The following FGF13 variants were observed in gnomAD, a reference collection of about 807,000 sequenced individuals.
FGF13 encodes the protein fibroblast growth factor 13, also known as fibroblast growth factor homologous factor 2.
Under a neutral mutation model 19.5 loss-of-function variants are expected in FGF13, and 2 were observed. The observed-to-expected ratio is 0.10, with a 90% confidence interval of 0.04 to 0.32. The LOEUF is 0.32. FGF13 is among the 10% of genes least tolerant of loss of function. The pLI, the probability that FGF13 is intolerant of heterozygous loss-of-function variation, is 1.00. For missense variants in FGF13, 113 were observed against 192.7 expected (o/e 0.59, Z 2.45); for synonymous variants, 72 against 76.9 (o/e 0.94, Z 0.33).
chrX:138,622,063 A>T lies in FGF13; in HGVS notation c.*10787T>A, dbSNP rs1421762065. 1 of 110,999 alleles carries T rather than the reference A, an allele frequency of 9.0e-6. No homozygotes were observed. The highest frequency in any genetic ancestry group is 1.9e-5 in the Non-Finnish European group (1 of 52,901). The allele number at this position is 110,999 out of a possible 1,213,427, so 9.1% of individuals were successfully genotyped here. ...CAATCCTTCTCAAATCTTCCAAAAA[A>T]AAAAGAAGAGTGAGGAACACTTCTA... On this transcript the variant is annotated 3_prime_UTR_variant, in exon 5 of 5. Transcript: ENST00000315930.
intron 3 of FGF13, among the ~76,000 whole-genome samples, chrX:138,793,958 C>T (rs1179508042): frequency 9.0e-6 from 1 of 111,635 alleles, no homozygotes; most frequent in Non-Finnish European, 1.9e-5. Flanking sequence ...GTAATGAGAC[C>T]TCAGGCTGCA....
At chrX:138,982,826 C>T (rs1035686947) in intron 1 of FGF13, among the ~76,000 whole-genome samples, 1 of 112,114 alleles carries the variant, frequency 8.9e-6, no homozygotes, top group African/African-American at 3.2e-5. Flanking sequence ...TTCTCCATCT[C>T]TAAAATGGGA....
At chrX:138,999,776 A>G (rs1314677995) in intron 1 of FGF13, among the ~76,000 whole-genome samples, 1 of 112,228 alleles carries the variant, frequency 8.9e-6, no homozygotes, top group Non-Finnish European at 1.9e-5. Flanking sequence ...AGCTGGTACC[A>G]TTCCTTCTGA....
intron 3 of FGF13, among the ~76,000 whole-genome samples, chrX:138,643,775 C>A (rs760204534): frequency 1.8e-5 from 2 of 111,655 alleles, no homozygotes; most frequent in South Asian, 7.5e-4. Context: ...CCCCTATTAA[C>A]CTGCTTATTA....
chrX:138,768,726 T>TATATGATATATATATATATA (rs1226957604), intron 3 of FGF13, among the ~76,000 whole-genome samples: 3 of 97,890 alleles, frequency 3.1e-5, no homozygotes, highest in African/African-American at 1.2e-4. Flanking sequence ...TAAGTATATA[T>TATATGATATATATATATATA]TATATATATA....
rs180943851 is a variant in FGF13 at position 138,739,266 on chromosome X, C to T, written c.4G>A (p.Ala2Thr). Residue 2 changes from alanine to threonine, a missense_variant, in exon 1 of 5, where the codon GCT (alanine) becomes ACT (threonine). Ala to Thr is a moderately conservative substitution (Grantham distance 58). Coordinates refer to the FGF13 transcript ENST00000305414. The stretch of plus-strand genomic sequence containing the variant: ...CCTGAATACGACTTCCTTAACAAAG[C>T]CATGCTTCTTTATAAGCTGGTCCTA... 3.4e-6 allele frequency: 4 copies of T among 1,174,924 alleles called. No homozygotes were observed. In the East Asian group the frequency reaches 1.2e-4, roughly 35 times the overall value.
At chrX:138,768,755 A>ATATATATATATATAT (rs1569388532) in intron 3 of FGF13, among the ~76,000 whole-genome samples, 1 of 102,676 alleles carries the variant, frequency 9.7e-6, no homozygotes, top group African/African-American at 3.6e-5. Flanking sequence ...ATATATATAT[A>ATATATATATATATAT]ATTTCACAAG....
chrX:138,827,579 A>G (rs1385866386), intron 3 of FGF13, among the ~76,000 whole-genome samples: 1 of 111,406 alleles, frequency 9.0e-6, no homozygotes, highest in Admixed American at 9.6e-5. Context: ...AATAGCTAGA[A>G]TTTATTAAGT....
rs771774064 is a variant in FGF13, at chrX:138,623,013, A to G, written c.*9837T>C. Reference sequence around the variant, plus strand: ...CACCTCCTTTGCTAAATTTATTTCTAAGTATTTTTTTGCAATTGCAAATGG... The same window carrying G: ...CACCTCCTTTGCTAAATTTATTTCTGAGTATTTTTTTGCAATTGCAAATGG... On this transcript the variant is annotated 3_prime_UTR_variant, in exon 5 of 5. Transcript: ENST00000315930. 5.5e-4 allele frequency: 62 copies of G among 111,917 alleles called. No individual in the cohort carries two copies. The highest frequency in any genetic ancestry group is 1.1e-3 in the Non-Finnish European group (57 of 53,163). The allele number at this position is 111,917 out of a possible 1,213,427, so 9.2% of individuals were successfully genotyped here.
chrX:139,074,936 T>C (rs746979965), intron 1 of FGF13, among the ~76,000 whole-genome samples: 18 of 109,078 alleles, frequency 1.7e-4, no homozygotes, highest in Non-Finnish European at 3.3e-4. Flanking sequence ...ATTCCTTGTT[T>C]ATACCTCAAC....
rs143069030 is a variant in FGF13 at position 139,129,943 on chromosome X, T to G, written c.-113+73473A>C. Among the ~76,000 whole-genome samples, 15 of 112,152 alleles carry G rather than the reference T, an allele frequency of 1.3e-4. No individual in the cohort carries two copies. The East Asian group carries it at 4.2e-3, about 32-fold the overall frequency. On this transcript the variant is annotated intron_variant, in intron 1 of 2. Coordinates refer to the FGF13 transcript ENST00000421460. ...CGTCTCAAGCCCATTTTCAAAGTCC[T>G]TCAATAAGGATTCCTTTCTGCTTTC...
chrX:138,748,223 C>T (rs1569382556), intron 3 of FGF13, among the ~76,000 whole-genome samples: 1 of 111,631 alleles, frequency 9.0e-6, no homozygotes. Context: ...GGGATGCATA[C>T]CTGTTATGAA....
intron 3 of FGF13, among the ~76,000 whole-genome samples, chrX:138,805,958 T>A (rs1041968407): frequency 1.8e-5 from 2 of 111,764 alleles, no homozygotes; most frequent in African/African-American, 6.5e-5. Context: ...CCCTTGCATC[T>A]AGTTCGTCTT....
intron 3 of FGF13, among the ~76,000 whole-genome samples, chrX:138,747,009 C>G (rs1243191518): frequency 4.5e-5 from 5 of 111,553 alleles, no homozygotes; most frequent in Non-Finnish European, 9.4e-5. Context: ...AGGGCAGACT[C>G]TAAGCTCCCT....
At chrX:138,840,345 A>G (rs1271912370) in intron 3 of FGF13, among the ~76,000 whole-genome samples, 2 of 111,714 alleles carry the variant, frequency 1.8e-5, no homozygotes, top group Non-Finnish European at 3.8e-5. Flanking sequence ...ATAAACAAAC[A>G]TCCCGCCATG....
Position 138,616,932 on chromosome X carries a change from G to A in FGF13, c.*15918C>T, listed in dbSNP as rs955614791. On this transcript the variant is annotated 3_prime_UTR_variant, in exon 5 of 5. Coordinates refer to ENST00000315930, the MANE Select transcript of FGF13 (RefSeq NM_004114.5). ...AAGCTGAAGCAGCTGGGGACGCAGG[G>A]TACCATGTTTCAAGGCTGCAAAGAG... 5 of 110,984 alleles carry A rather than the reference G, an allele frequency of 4.5e-5. No individual in the cohort carries two copies. Among genetic ancestry groups the A allele is most frequent in the African/African-American group, 1.3e-4 (4 of 29,966 alleles). 9.1% of individuals were successfully genotyped at this position (110,984 alleles called of 1,213,427 possible).
At chrX:139,152,711 C>A (rs1293143126) in intron 1 of FGF13, among the ~76,000 whole-genome samples, 1 of 111,443 alleles carries the variant, frequency 9.0e-6, no homozygotes, top group East Asian at 2.8e-4. Flanking sequence ...CAAAGCTCTT[C>A]TTGATGCCCC....
intron 3 of FGF13, among the ~76,000 whole-genome samples, chrX:138,757,216 T>A (rs888382463): frequency 1.8e-5 from 2 of 110,481 alleles, no homozygotes; most frequent in African/African-American, 6.6e-5. Context: ...TGTGCATTGA[T>A]CACTACTGCC....
rs780765878 is a variant in FGF13 at position 138,865,209 on chromosome X, G to T, written c.-112-559C>A. Among the ~76,000 whole-genome samples the T allele has an allele frequency of 1.8e-3, 203 of 111,672 alleles. 2 individuals carry two copies. Among genetic ancestry groups the T allele is most frequent in the African/African-American group, 6.4e-3 (196 of 30,705 alleles). On this transcript the variant is annotated intron_variant, in intron 1 of 2. Transcript: ENST00000421460. ...AGTACGAACGCAATCTAAACCAGTG[G>T]TTCTCAGTTGTGGTTTAGCATTAGC...
Sources: allele counts gnomAD v4.1 joint callset (sites outside exome capture counted in the v4.1 genomes callset), GRCh38; gene constraint gnomAD v4.1.1; transcripts MANE v1.5; gene names NCBI Gene and HGNC (gene_info 2026-07-23, HGNC 2026-07-21).